Variants in CMYA5 observed in about 807,000 individuals in gnomAD.
CMYA5 encodes cardiomyopathy associated 5, also known as cardiomyopathy-associated protein 5.
Under a neutral mutation model 318.9 loss-of-function variants are expected in CMYA5, and 246 were observed. The observed-to-expected ratio is 0.77, with a 90% CI of 0.70 to 0.86. The LOEUF (loss-of-function observed/expected upper bound fraction) is 0.86, where lower values mean the gene tolerates loss of function less well. Ranked by LOEUF, CMYA5 falls within the 40% of genes least tolerant of loss-of-function variation. The pLI is 0.00. For missense variants in CMYA5, 4,589 were observed against 4,678.2 expected, an observed-to-expected ratio of 0.98 and a Z score of 0.56; for synonymous variants, 1,641 against 1,729.5, an observed-to-expected ratio of 0.95 and a Z score of 1.27.
In CMYA5 at chr5:79,734,237, A is replaced by G; in HGVS notation, c.5472A>G (p.Thr1824=). 2 of 1,613,808 alleles carry G rather than the reference A, an allele frequency of 1.2e-6. No homozygotes were observed. The highest frequency in any genetic ancestry group is 1.7e-6 in the Non-Finnish European group (2 of 1,179,806). The change falls in exon 2 of 13, where the codon ACA becomes ACG. Residue 1824 remains threonine, a synonymous_variant. Coordinates refer to ENST00000446378, the MANE Select transcript of CMYA5 (RefSeq NM_153610.5). ...ACCTCCTTGTAGAACAAAAAAAGAC[A>G]GAAAAAGCACTTCATTCAGATCAAA... The part of the protein sequence containing the change: ...PSDLLVEQKK[T]EKALHSDQTV...
intron 5 of CMYA5, among the ~76,000 whole-genome samples, chr5:79,752,314 G>C (rs138929964): frequency 9.2e-5 from 14 of 152,202 alleles, no homozygotes; most frequent in African/African-American, 3.4e-4. Flanking sequence ...AGCCTCAGTG[G>C]GTATGAAAGG....
intron 9 of CMYA5, chr5:79,774,268 G>T (rs1006691439): frequency 6.6e-6 from 1 of 152,188 alleles, no homozygotes; most frequent in African/African-American, 2.4e-5. Flanking sequence ...CCCAGCAGTC[G>T]GCCCCTGTTG....
intron 1 of CMYA5, among the ~76,000 whole-genome samples, chr5:79,715,873 A>C (rs1827506250): frequency 6.6e-6 from 1 of 152,144 alleles, no homozygotes; most frequent in Non-Finnish European, 1.5e-5. Flanking sequence ...TACCTCTAAA[A>C]CTGTTCTGTG....
intron 1 of CMYA5, among the ~76,000 whole-genome samples, chr5:79,713,554 G>A (rs1403023252): frequency 6.6e-6 from 1 of 152,050 alleles, no homozygotes; most frequent in Non-Finnish European, 1.5e-5. Flanking sequence ...GCTTTTCGCT[G>A]GCAGACTCGG....
intron 1 of CMYA5, 102 bp from the exon 2 acceptor site, chr5:79,728,813 T>C: frequency 1.9e-6 from 1 of 523,914 alleles, no homozygotes; most frequent in Non-Finnish European, 2.8e-6. Context: ...TGTATTTTAA[T>C]TTCACATTAA....
intron 9 of CMYA5, among the ~76,000 whole-genome samples, chr5:79,786,399 A>C (rs965635699): frequency 1.3e-5 from 2 of 152,206 alleles, no homozygotes; most frequent in Non-Finnish European, 2.9e-5. Flanking sequence ...AAATTTTATT[A>C]TTGGCTGTAG....
intron 6 of CMYA5, among the ~76,000 whole-genome samples, chr5:79,755,659 G>T (rs776393691): frequency 9.2e-5 from 14 of 152,122 alleles, no homozygotes; most frequent in Admixed American, 2.0e-4. Flanking sequence ...CTCTGATGTT[G>T]TTCTACCACA....
chr5:79,744,053 A>G (rs1229042902), intron 3 of CMYA5, 131 bp downstream of exon 3: 2 of 522,482 alleles, frequency 3.8e-6, no homozygotes, highest in Non-Finnish European at 6.7e-6. Flanking sequence ...GTTCGGTTCC[A>G]TTCAAAGCGA....
rs963237604 is a variant in CMYA5 at position 79,776,935 on chromosome 5, G to A, written c.11556-12036G>A. 4.6e-5 allele frequency among the ~76,000 whole-genome samples: 7 copies of A among 152,082 alleles called. No homozygotes were observed. The East Asian group carries it at 7.7e-4, about 17-fold the overall frequency. ...GGGGAGAAAGCATACTTAGATCCAG[G>A]GGTTGGACATGGTGGTACAGAGAAC... On this transcript the variant is annotated intron_variant, in intron 9 of 12. Transcript: ENST00000446378.
rs74789640 is a variant in CMYA5 at position 79,703,415 on chromosome 5, C to G, written c.149+13359C>G. 2.4e-4 allele frequency among the ~76,000 whole-genome samples: 36 copies of G among 152,346 alleles called. No individual in the cohort carries two copies. The East Asian group carries it at 5.6e-3, about 24-fold the overall frequency. On this transcript the variant is annotated intron_variant, in intron 1 of 12. Transcript: ENST00000446378. ...AATAAGAACAAAAAAGTCTTTCACT[C>G]TGGCCTCAATATGACCTGTCTTACA...
chr5:79,790,273 CA>C (rs1459360443), intron 10 of CMYA5, among the ~76,000 whole-genome samples: 11 of 141,162 alleles, frequency 7.8e-5, no homozygotes, highest in African/African-American at 2.0e-4. Flanking sequence ...GTGCATCCCC[CA>C]TTTTTTTTTT....
Position 79,743,865 on chromosome 5 carries a change from G to T in CMYA5, c.10677G>T (p.Lys3559Asn), listed in dbSNP as rs1056429590. The T allele has an allele frequency of 3.9e-6, 6 of 1,549,128 alleles. No individual in the cohort carries two copies. Among genetic ancestry groups the T allele is most frequent in the Non-Finnish European group, 5.2e-6 (6 of 1,144,994 alleles). The part of the protein sequence containing the change: ...LAEFLENLQE[K>N]SLRIEAFVSE... ...AATTTCTAGAAAATTTACAAGAAAA[G>T]TCCTTGAGGATTGAAGCCTTTGTTA... Residue 3559 changes from lysine (K) to asparagine (N), a missense_variant, in exon 3 of 13, where the codon AAG becomes AAT. Coordinates refer to ENST00000446378, the MANE Select transcript of CMYA5 (RefSeq NM_153610.5).
At chr5:79,720,171 A>G (rs1219340528) in intron 1 of CMYA5, among the ~76,000 whole-genome samples, 3 of 152,160 alleles carry the variant, frequency 2.0e-5, no homozygotes, top group Admixed American at 6.5e-5. Flanking sequence ...GAGGGACATT[A>G]ATCTACAGAT....
intron 1 of CMYA5, among the ~76,000 whole-genome samples, chr5:79,717,477 A>G (rs534625764): frequency 1.3e-5 from 2 of 152,216 alleles, no homozygotes; most frequent in East Asian, 3.8e-4. Context: ...GGCTTGCAGC[A>G]TCATTGATGG....
chr5:79,726,294 A>G (rs893408354), intron 1 of CMYA5, among the ~76,000 whole-genome samples: 5 of 152,228 alleles, frequency 3.3e-5, no homozygotes, highest in African/African-American at 1.2e-4. Context: ...TGGGCATTCA[A>G]AATGCTGACT....
chr5:79,734,350 C>T lies in CMYA5; in HGVS notation c.5585C>T (p.Pro1862Leu). The T allele has an allele frequency of 6.2e-7, 1 of 1,613,840 alleles. No homozygotes were observed. Among genetic ancestry groups the T allele is most frequent in the Non-Finnish European group, 8.5e-7 (1 of 1,179,806 alleles). ...KQFSLMRENL[P>L]LEQSKSFMTT... is the part of the protein sequence containing the mutation. The stretch of plus-strand genomic sequence containing the variant: ...TTTTCACTTATGAGAGAGAATTTGC[C>T]TTTGGAACAATCAAAATCATTTATG... The change falls in exon 2 of 13, where the codon CCT (proline) becomes CTT (leucine). Residue 1862 changes from proline (P) to leucine (L), a missense_variant. By Grantham distance (98) the Pro-to-Leu change is moderately conservative (BLOSUM62 -3). Around this residue, in one of 3 missense-constraint regions of CMYA5, gnomAD observed 2,132 missense variants for 2,131.3 expected, o/e 1.00. Coordinates refer to ENST00000446378, the MANE Select transcript of CMYA5 (RefSeq NM_153610.5).
intron 9 of CMYA5, among the ~76,000 whole-genome samples, chr5:79,763,706 GAA>G (rs1234855843): frequency 1.3e-5 from 2 of 152,070 alleles, no homozygotes; most frequent in Non-Finnish European, 2.9e-5. Flanking sequence ...ATTCTTCTAG[GAA>G]AAAAGAAATG....
In CMYA5 at chr5:79,761,800, TCTTATG is replaced by T. The variant is rs777083310; in HGVS notation, c.11261-8_11261-3del. On this transcript the variant is annotated splice_region_variant and splice_polypyrimidine_tract_variant and intron_variant, in intron 7 of 12. Transcript: ENST00000446378. ...GAAGATGTCTTCGATTTTAATTGTGTCTTATGCTAGAGTTGGTAGAAGAATACAGAC... is the reference window on the plus strand; with the variant it reads ...GAAGATGTCTTCGATTTTAATTGTGTCTAGAGTTGGTAGAAGAATACAGAC... 1 of 1,608,818 alleles carries T rather than the reference TCTTATG, an allele frequency of 6.2e-7. No homozygotes were observed. Among genetic ancestry groups the T allele is most frequent in the South Asian group, 1.1e-5 (1 of 90,056 alleles).
chr5:79,774,121 G>T (rs1384336837), intron 9 of CMYA5, among the ~76,000 whole-genome samples: 1 of 152,188 alleles, frequency 6.6e-6, no homozygotes, highest in African/African-American at 2.4e-5. Flanking sequence ...TATGGTGGGC[G>T]TTTGAATGGA....
Sources: allele counts gnomAD v4.1 joint callset (sites outside exome capture counted in the v4.1 genomes callset), GRCh38; gene constraint gnomAD v4.1.1; regional missense constraint gnomAD v4.1.1; transcripts MANE v1.5; gene names NCBI Gene and HGNC (gene_info 2026-07-23, HGNC 2026-07-21).